WNK3: variants seen among roughly 807,000 people sequenced by gnomAD.
WNK3 encodes WNK lysine deficient protein kinase 3, also known as serine/threonine-protein kinase WNK3.
Under a neutral mutation model 116.7 loss-of-function variants are expected in WNK3, and 18 were observed. That is an observed-to-expected ratio of 0.15 (90% CI 0.11 to 0.23). The LOEUF (loss-of-function observed/expected upper bound fraction) is 0.23, where lower values mean the gene tolerates loss of function less well. Among genes scored for constraint, WNK3 ranks in the 10% least tolerant of loss-of-function variants. The pLI, the probability that WNK3 is intolerant of heterozygous loss-of-function variation, is 1.00. For synonymous variants in WNK3, 404 were observed against 469.4 expected (o/e 0.86, Z 1.80); for missense variants, 993 against 1,323.8 (o/e 0.75, Z 3.88).
At chrX:54,345,270 ACAAC>A (rs1330223795) in intron 1 of WNK3, among the ~76,000 whole-genome samples, 7 of 99,763 alleles carry the variant, frequency 7.0e-5, no homozygotes, top group Admixed American at 5.7e-4. Flanking sequence ...AACAACAACA[ACAAC>A]TATATATATA....
At chrX:54,248,384 A>C (rs1221540655) in intron 17 of WNK3, among the ~76,000 whole-genome samples, 1 of 111,354 alleles carries the variant, frequency 9.0e-6, no homozygotes, top group Non-Finnish European at 1.9e-5. Flanking sequence ...TTAAGTGAAA[A>C]TCTAAAAGTT....
intron 10 of WNK3, among the ~76,000 whole-genome samples, chrX:54,264,936 G>C (rs2068293492): frequency 9.1e-6 from 1 of 110,242 alleles, no homozygotes; most frequent in Non-Finnish European, 1.9e-5. Context: ...TCGCAGTCTG[G>C]AAGGTAGAGA....
chrX:54,294,964 C>CCTG, intron 7 of WNK3, 117 bp from the exon 8 acceptor site: 1 of 556,959 alleles, frequency 1.8e-6, no homozygotes, highest in Non-Finnish European at 2.6e-6. Flanking sequence ...GTGGCATGAT[C>CCTG]TCGGCTCACT....
chrX:54,214,490 T>A (rs782571645), intron 22 of WNK3, among the ~76,000 whole-genome samples: 6 of 111,267 alleles, frequency 5.4e-5, no homozygotes, highest in Non-Finnish European at 7.5e-5. Flanking sequence ...ACAATAAAAA[T>A]ATAGGCAAAA....
chrX:54,342,148 G>C (rs1264870763), intron 1 of WNK3, among the ~76,000 whole-genome samples: 3 of 111,053 alleles, frequency 2.7e-5, no homozygotes, highest in Non-Finnish European at 5.7e-5. Flanking sequence ...CACGCCTATA[G>C]TCCCAGCTAC....
intron 20 of WNK3, among the ~76,000 whole-genome samples, chrX:54,233,743 G>C (rs1557149583): frequency 9.3e-6 from 1 of 107,832 alleles, no homozygotes; most frequent in Non-Finnish European, 1.9e-5. Flanking sequence ...GGGAGGCTAA[G>C]GCAGGAGGAT....
intron 7 of WNK3, among the ~76,000 whole-genome samples, chrX:54,297,434 G>A (rs1259290290): frequency 1.2e-4 from 13 of 109,818 alleles, no homozygotes; most frequent in Non-Finnish European, 2.5e-4. Flanking sequence ...AAAATTAGCT[G>A]GGAGTGGTGG....
At chrX:54,286,192 AAAAC>A (rs1170857800) in intron 10 of WNK3, among the ~76,000 whole-genome samples, 48 of 109,895 alleles carry the variant, frequency 4.4e-4, no homozygotes, top group African/African-American at 1.4e-3. Context: ...GTAGTGCAGG[AAAAC>A]AAACAAACAA....
intron 1 of WNK3, among the ~76,000 whole-genome samples, chrX:54,354,886 C>G (rs1557179138): frequency 9.1e-6 from 1 of 109,753 alleles, no homozygotes; most frequent in Non-Finnish European, 1.9e-5. Flanking sequence ...GAGTTTGAGA[C>G]CAGCCTGGCC....
chrX:54,313,286 A>T (rs1557170064), intron 2 of WNK3, among the ~76,000 whole-genome samples: 1 of 111,141 alleles, frequency 9.0e-6, no homozygotes, highest in African/African-American at 3.3e-5. Context: ...TGCTTGAAGG[A>T]TATAAAGTTC....
intron 23 of WNK3, among the ~76,000 whole-genome samples, chrX:54,200,851 T>C (rs1344366533): frequency 8.9e-6 from 1 of 111,866 alleles, no homozygotes; most frequent in Non-Finnish European, 1.9e-5. Context: ...TTTACAATGG[T>C]GATGCTATCT....
chrX:54,312,506 C>A (rs781827785), intron 2 of WNK3, among the ~76,000 whole-genome samples: 1 of 110,123 alleles, frequency 9.1e-6, no homozygotes, highest in Non-Finnish European at 1.9e-5. Flanking sequence ...GGTGCGATCT[C>A]AGCTTACTGC....
intron 2 of WNK3, among the ~76,000 whole-genome samples, chrX:54,317,027 C>G (rs1313818890): frequency 9.0e-6 from 1 of 111,293 alleles, no homozygotes; most frequent in Non-Finnish European, 1.9e-5. Context: ...TCACAATAGC[C>G]AAAACGTAGA....
At chrX:54,302,059 C>A (rs1255525576) in intron 5 of WNK3, among the ~76,000 whole-genome samples, 200 bp from the exon 6 acceptor site, 1 of 110,712 alleles carries the variant, frequency 9.0e-6, no homozygotes, top group Non-Finnish European at 1.9e-5. Flanking sequence ...AGTAAAAAAA[C>A]CTTAAATAAT....
At chrX:54,345,778 T>TG (rs1557177451) in intron 1 of WNK3, among the ~76,000 whole-genome samples, 1 of 94,861 alleles carries the variant, frequency 1.1e-5, no homozygotes, top group Non-Finnish European at 2.1e-5. Context: ...AGAGTGAGAC[T>TG]CAGTATCAAA....
At chrX:54,298,806 C>T (rs781927662) in intron 6 of WNK3, among the ~76,000 whole-genome samples, 66 of 112,393 alleles carry the variant, frequency 5.9e-4, no homozygotes, top group African/African-American at 2.1e-3. Context: ...AGTAGATTCT[C>T]AGCAAAGGGA....
At chrX:54,349,287 G>A (rs1397205302) in intron 1 of WNK3, among the ~76,000 whole-genome samples, 2 of 112,083 alleles carry the variant, frequency 1.8e-5, no homozygotes, top group Admixed American at 9.5e-5. Context: ...GCAGTGAGCC[G>A]AGATCGTGCC....
chrX:54,263,406 C>A (rs1338080940), intron 10 of WNK3, among the ~76,000 whole-genome samples: 4 of 111,898 alleles, frequency 3.6e-5, no homozygotes, highest in African/African-American at 1.3e-4. Flanking sequence ...AATAAGCCTG[C>A]AATACAGGCA....
At chrX:54,268,637 A>T (rs2068344198) in intron 10 of WNK3, among the ~76,000 whole-genome samples, 1 of 111,800 alleles carries the variant, frequency 8.9e-6, no homozygotes, top group Admixed American at 9.6e-5. Context: ...AAAATAAGGA[A>T]GTGTTCAAAG....
Sources: allele counts gnomAD v4.1 joint callset (sites outside exome capture counted in the v4.1 genomes callset), GRCh38; gene constraint gnomAD v4.1.1; transcripts MANE v1.5; gene names NCBI Gene and HGNC (gene_info 2026-07-23, HGNC 2026-07-21).